The following HOMER2 variants were observed in gnomAD, a reference collection of about 807,000 sequenced individuals.
The protein encoded by HOMER2 is homer protein homolog 2.
Under a neutral mutation model 47.0 loss-of-function variants are expected in HOMER2, and 27 were observed. That is an observed-to-expected ratio of 0.57 (90% CI 0.42 to 0.79). The LOEUF is 0.79. HOMER2 is among the 30% of genes least tolerant of loss of function. The probability of loss-of-function intolerance (pLI) is 0.00; values close to 1 mark genes in which losing one functional copy is unlikely to be tolerated. For synonymous variants in HOMER2, 161 were observed against 163.8 expected (o/e 0.98, Z 0.13); for missense variants, 443 against 435.0 (o/e 1.02, Z -0.16).
At position 82,932,447 on chromosome 15, in the gene HOMER2, A is replaced by T. The variant is rs970200000; in HGVS notation, c.5+20084T>A. ...GAGCTGGAGGTTGCAGTGAGCCAAG[A>T]TCACACCACTGCACTCCAGCCTGAG... On this transcript the variant is annotated intron_variant, in intron 1 of 8. Coordinates refer to ENST00000450735, the MANE Select transcript of HOMER2 (RefSeq NM_004839.4). Among the ~76,000 whole-genome samples, 3 of 151,856 alleles carry T rather than the reference A, an allele frequency of 2.0e-5. No individual in the cohort carries two copies. In the East Asian group the frequency reaches 5.8e-4, roughly 30 times the overall value.
chr15:82,919,273 G>A (rs1365733753), intron 1 of HOMER2, among the ~76,000 whole-genome samples: 1 of 152,208 alleles, frequency 6.6e-6, no homozygotes. Context: ...TAACATGCCT[G>A]CTCTACCCAA....
intron 1 of HOMER2, among the ~76,000 whole-genome samples, chr15:82,945,275 A>T (rs904240280): frequency 3.9e-5 from 6 of 152,144 alleles, no homozygotes; most frequent in Admixed American, 2.0e-4. Flanking sequence ...AAATAGGTTT[A>T]CAAAGATGTA....
intron 4 of HOMER2, among the ~76,000 whole-genome samples, chr15:82,860,315 A>G (rs528503021): frequency 6.6e-6 from 1 of 152,290 alleles, no homozygotes; most frequent in South Asian, 2.1e-4. Context: ...TTAGAGCTAC[A>G]TGCTGAAATA....
chr15:82,856,525 G>A (rs558910082), intron 5 of HOMER2, among the ~76,000 whole-genome samples: 10 of 152,184 alleles, frequency 6.6e-5, no homozygotes, highest in East Asian at 3.9e-4. Context: ...AGGCTGAGGC[G>A]GGGGGATCAG....
chr15:82,931,424 T>C (rs1210212778), intron 1 of HOMER2, among the ~76,000 whole-genome samples: 1 of 151,340 alleles, frequency 6.6e-6, no homozygotes, highest in African/African-American at 2.4e-5. Flanking sequence ...AGCCAAGGAG[T>C]AGCTTTTTTT....
chr15:82,956,922 A>C (rs914272078), upstream of HOMER2, among the ~76,000 whole-genome samples: 6 of 152,194 alleles, frequency 3.9e-5, no homozygotes, highest in African/African-American at 7.2e-5. Context: ...GCAAGTTTTT[A>C]ACTTCTCTGA....
chr15:82,910,132 C>CAAA (rs35191408), intron 1 of HOMER2, among the ~76,000 whole-genome samples: 642 of 22,110 alleles, frequency 0.029, 77 homozygotes, highest in African/African-American at 0.039. Context: ...GATTCTGTCT[C>CAAA]AAAAAAAAAA....
intron 3 of HOMER2, among the ~76,000 whole-genome samples, chr15:82,868,541 A>ATATATATATATATTTTTTTTTTTTTT: frequency 1.4e-5 from 1 of 71,290 alleles, no homozygotes; most frequent in African/African-American, 5.0e-5. Context: ...ATATATATAT[A>ATATATATATATATTTTTTTTTTTTTT]TTTTTTTTTT....
chr15:82,927,179 C>T (rs116456605), intron 1 of HOMER2, among the ~76,000 whole-genome samples: 18 of 152,040 alleles, frequency 1.2e-4, no homozygotes, highest in African/African-American at 3.9e-4. Context: ...TCCCAGTCAT[C>T]GACACCTGCC....
At chr15:82,836,888 G>GCA (rs2051133342), downstream of HOMER2, 1 of 152,270 alleles carries the variant, frequency 6.6e-6, no homozygotes, top group East Asian at 1.9e-4. Flanking sequence ...GTGTGTAAAA[G>GCA]CACATGAGAG....
chr15:82,954,457 CCA>C (rs1491521731), upstream of HOMER2, among the ~76,000 whole-genome samples: 6 of 142,654 alleles, frequency 4.2e-5, no homozygotes, highest in East Asian at 4.0e-4. Context: ...GCCACCACGC[CCA>C]GTTTTTTTTT....
chr15:82,934,735 C>T (rs2054102642), intron 1 of HOMER2, among the ~76,000 whole-genome samples: 1 of 152,234 alleles, frequency 6.6e-6, no homozygotes, highest in East Asian at 1.9e-4. Flanking sequence ...CGCCACTGGG[C>T]AAGGTCAAAA....
exon 2 of HOMER2, chr15:82,840,906 A>G (rs1009482110): frequency 2.0e-5 from 3 of 152,110 alleles, no homozygotes; most frequent in Non-Finnish European, 4.4e-5. Context: ...AAAAATTCTA[A>G]ATATTTAAAT....
chr15:82,937,783 C>T (rs748765366), intron 1 of HOMER2, among the ~76,000 whole-genome samples: 14 of 152,154 alleles, frequency 9.2e-5, no homozygotes, highest in Non-Finnish European at 1.8e-4. Context: ...CAAAGCACTC[C>T]GAGTCCGATC....
rs769400119 is a variant in HOMER2 at position 82,892,855 on chromosome 15, G to A, written c.6-14C>T. On this transcript the variant is annotated splice_polypyrimidine_tract_variant and intron_variant, in intron 1 of 8. Coordinates refer to ENST00000450735, the MANE Select transcript of HOMER2 (RefSeq NM_004839.4). ...ATGGGCTGTTCTCTGCAATAAGAGA[G>A]TGGGCGTGTGAGTTGAGAGAACATG... The A allele has an allele frequency of 2.6e-6, 4 of 1,516,638 alleles. No individual in the cohort carries two copies. The highest frequency in any genetic ancestry group is 3.6e-6 in the Non-Finnish European group (4 of 1,117,958). The allele number at this position is 1,516,638 out of a possible 1,614,324, so 93.9% of individuals were successfully genotyped here.
intron 1 of HOMER2, among the ~76,000 whole-genome samples, chr15:82,936,565 C>T (rs1432266743): frequency 6.6e-6 from 1 of 151,956 alleles, no homozygotes; most frequent in Non-Finnish European, 1.5e-5. Context: ...ACATGGTTCT[C>T]CTATTTCTTT....
At chr15:82,881,025 C>T (rs1264720142) in intron 2 of HOMER2, among the ~76,000 whole-genome samples, 5 of 152,248 alleles carry the variant, frequency 3.3e-5, no homozygotes, top group African/African-American at 7.2e-5. Flanking sequence ...GAGGGGAGAA[C>T]GGACCTGGGG....
At chr15:82,960,577 T>C (rs529644506) in intron 1 of HOMER2, among the ~76,000 whole-genome samples, 41 of 152,354 alleles carry the variant, frequency 2.7e-4, no homozygotes, top group African/African-American at 8.9e-4. Flanking sequence ...GATAACTCCT[T>C]GCCAGTATAC....
intron 1 of HOMER2, among the ~76,000 whole-genome samples, chr15:82,967,046 TCAA>T (rs2054680884): frequency 6.6e-6 from 1 of 152,092 alleles, no homozygotes; most frequent in Admixed American, 6.6e-5. Flanking sequence ...TTGCTCGAGT[TCAA>T]CAACAGCCTG....
Sources: gnomAD v4.1 joint callset for allele counts (sites outside exome capture counted in the v4.1 genomes callset) on GRCh38, gnomAD v4.1.1 for gene constraint, MANE v1.5 for transcripts, NCBI Gene and HGNC (gene_info 2026-07-23, HGNC 2026-07-21) for gene names.